The following GPR37L1 variants were observed in gnomAD, a reference collection of about 807,000 sequenced individuals.
The protein encoded by GPR37L1 is G protein-coupled receptor 37-like 1.
In GPR37L1, 18 loss-of-function variants were observed where a neutral mutation model predicts 18.0. The ratio of observed to expected loss-of-function variants is 1.00; its 90% CI spans 0.69 to 1.49. The LOEUF is 1.49. GPR37L1 is among the 40% of genes most tolerant of loss of function. The probability of loss-of-function intolerance (pLI) is 0.00; values close to 1 mark genes in which losing one functional copy is unlikely to be tolerated. For missense variants in GPR37L1, 558 were observed against 615.1 expected (o/e 0.91, Z 0.98); for synonymous variants, 256 against 273.9 (o/e 0.93, Z 0.65).
chr1:202,123,029 C>T lies in GPR37L1; in HGVS notation c.66C>T (p.Val22=). ...TTTTGGCTGTGGGGCTAAGCAGGGTCTCTGGGGGTGCCCCCCTGCACCTGG... is the reference window on the plus strand; with the variant it reads ...TTTTGGCTGTGGGGCTAAGCAGGGTTTCTGGGGGTGCCCCCCTGCACCTGG... ...AVILAVGLSR[V]SGGAPLHLGR... is the part of the protein sequence containing the mutation. Residue 22 remains valine, a synonymous_variant, in exon 1 of 2, where the codon GTC becomes GTT. Coordinates refer to ENST00000367282, the MANE Select transcript of GPR37L1 (RefSeq NM_004767.5). The T allele has an allele frequency of 6.2e-7, 1 of 1,613,582 alleles. No individual in the cohort carries two copies. Among genetic ancestry groups the T allele is most frequent in the Non-Finnish European group, 8.5e-7 (1 of 1,180,010 alleles).
At chr1:202,126,838 C>CGTGCGTGTGTGTGTGTGT (rs1553315417) in intron 1 of GPR37L1, among the ~76,000 whole-genome samples, 21 of 146,352 alleles carry the variant, frequency 1.4e-4, no homozygotes, top group African/African-American at 5.1e-4. Context: ...CAGAAACGTG[C>CGTGCGTGTGTGTGTGTGT]GTGTGTGTGT....
At chr1:202,126,825 G>A (rs1371420147) in intron 1 of GPR37L1, among the ~76,000 whole-genome samples, 1 of 144,540 alleles carries the variant, frequency 6.9e-6, no homozygotes, top group East Asian at 2.1e-4. Context: ...ACAGGGCCAG[G>A]AGCAGAAACG....
In GPR37L1 at chr1:202,132,070, G is replaced by T. The variant is rs890127445; in HGVS notation, c.*3514G>T. The T allele has an allele frequency of 6.6e-6, 1 of 152,182 alleles. No individual in the cohort carries two copies. The allele number at this position is 152,182 out of a possible 1,614,324, so 9.4% of individuals were successfully genotyped here. A position where few individuals can be genotyped will look rare whatever the true frequency, so the allele number is the denominator to read the frequency against. ...TAAGTCATATTAGCACCTGCTGCAC[G>T]CCGGCACTGTGGAAGGAGGATGCTT... On this transcript the variant is annotated 3_prime_UTR_variant, in exon 2 of 2. Coordinates refer to ENST00000367282, the MANE Select transcript of GPR37L1 (RefSeq NM_004767.5).
rs913987410 is a variant in GPR37L1 at position 202,133,506 on chromosome 1, G to A, written c.*4950G>A. On this transcript the variant is annotated 3_prime_UTR_variant, in exon 2 of 2. Transcript: ENST00000367282. ...CATTTTCCAAACAGAGGTTAAATAT[G>A]AGCTGAAAAGTGTAAAAAAGGAAGA... 1.3e-5 allele frequency: 2 copies of A among 152,202 alleles called. No individual in the cohort carries two copies. Among genetic ancestry groups the A allele is most frequent in the African/African-American group, 4.8e-5 (2 of 41,456 alleles). 9.4% of individuals were successfully genotyped at this position (152,202 alleles called of 1,614,324 possible).
chr1:202,128,652 T>C lies in GPR37L1; in HGVS notation c.*96T>C, dbSNP rs1213179121. 2.7e-6 allele frequency: 2 copies of C among 739,134 alleles called. No homozygotes were observed. Among genetic ancestry groups the C allele is most frequent in the Non-Finnish European group, 4.4e-6 (2 of 450,020 alleles). The allele number at this position is 739,134 out of a possible 1,614,324, so 45.8% of individuals were successfully genotyped here. On this transcript the variant is annotated 3_prime_UTR_variant, in exon 2 of 2. Coordinates refer to ENST00000367282, the MANE Select transcript of GPR37L1 (RefSeq NM_004767.5). ...GGTCTTGCTTTGTTGCCTGTCTTGC[T>C]GTCTAGGGATGGACTTGGTTCCTCT... is the stretch of plus-strand genomic sequence containing the variant.
rs766282284 is a variant in GPR37L1 at position 202,128,159 on chromosome 1, A to G, written c.1049A>G (p.His350Arg). 1 of 1,614,044 alleles carries G rather than the reference A, an allele frequency of 6.2e-7. No homozygotes were observed. The highest frequency in any genetic ancestry group is 1.7e-5 in the Admixed American group (1 of 60,018). Reference sequence around the variant, plus strand: ...AAGTCAGAGTGCAGGGCCAGCAAGCACGAGCAGTGTGAGAGCCAGCTCAAC... The same window carrying G: ...AAGTCAGAGTGCAGGGCCAGCAAGCGCGAGCAGTGTGAGAGCCAGCTCAAC... ...GRKSECRASKHEQCESQLNST... is the reference protein window; with the variant it reads ...GRKSECRASKREQCESQLNST... The change falls in exon 2 of 2, where the codon CAC becomes CGC. Residue 350 changes from histidine to arginine, a missense_variant. Physicochemically the swap from His to Arg is conservative, Grantham distance 29. Transcript: ENST00000367282.
intron 1 of GPR37L1, 127 bp from the exon 2 acceptor site, chr1:202,127,614 C>A: frequency 1.4e-6 from 1 of 693,844 alleles, no homozygotes; most frequent in Non-Finnish European, 2.5e-6. Context: ...CCGCACCCGG[C>A]CCATTATTAT....
At chr1:202,126,834 C>CATGCGTGTGT (rs1489202791) in intron 1 of GPR37L1, among the ~76,000 whole-genome samples, 2 of 64,184 alleles carry the variant, frequency 3.1e-5, no homozygotes, top group African/African-American at 1.1e-4. Context: ...GGAGCAGAAA[C>CATGCGTGTGT]GTGCGTGTGT....
At position 202,124,172 on chromosome 1, in the gene GPR37L1, A is replaced by T. The variant is rs371618275; in HGVS notation, c.630+579A>T. On this transcript the variant is annotated intron_variant, in intron 1 of 1. Transcript: ENST00000367282. ...GCTCCGTTCTTCCCTCCCTGCTGGGATTCTCATTGTTATCGTTGTCATTTC... is the reference window on the plus strand; with the variant it reads ...GCTCCGTTCTTCCCTCCCTGCTGGGTTTCTCATTGTTATCGTTGTCATTTC... Among the ~76,000 whole-genome samples, 5 of 152,100 alleles carry T rather than the reference A, an allele frequency of 3.3e-5. No individual in the cohort carries two copies. The East Asian group carries it at 9.6e-4, about 29-fold the overall frequency.
At chr1:202,124,015 G>T (rs538773507) in intron 1 of GPR37L1, among the ~76,000 whole-genome samples, 1 of 152,228 alleles carries the variant, frequency 6.6e-6, no homozygotes, top group South Asian at 2.1e-4. Flanking sequence ...TGCTCCCACA[G>T]CTTCCTTCGC....
At position 202,123,222 on chromosome 1, in the gene GPR37L1, C is replaced by A. The variant is rs1412792519; in HGVS notation, c.259C>A (p.Pro87Thr). The A allele has an allele frequency of 1.2e-6, 2 of 1,613,730 alleles. No homozygotes were observed. Among genetic ancestry groups the A allele is most frequent in the East Asian group, 4.5e-5 (2 of 44,856 alleles). ...AACCAAGCCCTTGGTGGCCACCAGC[C>A]CTAACCCCGGCAAGGATGGGGGCAC... is the stretch of plus-strand genomic sequence containing the variant. ...QPTKPLVATS[P>T]NPGKDGGTPD... Residue 87 changes from proline (P) to threonine (T), a missense_variant, in exon 1 of 2, where the codon CCT (proline) becomes ACT (threonine). By Grantham distance (38) the Pro-to-Thr change is conservative. Coordinates refer to ENST00000367282, the MANE Select transcript of GPR37L1 (RefSeq NM_004767.5).
chr1:202,123,308 G>T lies in GPR37L1; in HGVS notation c.345G>T (p.Gln115His). The change falls in exon 1 of 2, where the codon CAG becomes CAT. Residue 115 changes from glutamine to histidine, a missense_variant. Coordinates refer to ENST00000367282, the MANE Select transcript of GPR37L1 (RefSeq NM_004767.5). ...CAGGAGCACCAGGGCAGAGGCTACA[G>T]ATCCAGAACCCCCTGTATCCGGTGA... Reference protein sequence around the residue: ...NLTGAPGQRLQIQNPLYPVTE... With the variant: ...NLTGAPGQRLHIQNPLYPVTE... 6.2e-7 allele frequency: 1 copy of T among 1,614,200 alleles called. No individual in the cohort carries two copies. Among genetic ancestry groups the T allele is most frequent in the Non-Finnish European group, 8.5e-7 (1 of 1,180,042 alleles).
chr1:202,126,455 G>A (rs1427838766), intron 1 of GPR37L1, among the ~76,000 whole-genome samples: 1 of 152,028 alleles, frequency 6.6e-6, no homozygotes, highest in African/African-American at 2.4e-5. Context: ...CCTGAAGCCT[G>A]TGCCTCTGCA....
At chr1:202,123,827 G>C (rs961211385) in intron 1 of GPR37L1, among the ~76,000 whole-genome samples, 1 of 152,130 alleles carries the variant, frequency 6.6e-6, no homozygotes, top group African/African-American at 2.4e-5. Flanking sequence ...GGGCCCCTGG[G>C]TTCCAGCCCC....
Position 202,130,117 on chromosome 1 carries a change from C to T in GPR37L1, c.*1561C>T. The T allele has an allele frequency of 6.6e-6, 1 of 152,392 alleles. No individual in the cohort carries two copies. Among genetic ancestry groups the T allele is most frequent in the Non-Finnish European group, 1.5e-5 (1 of 68,200 alleles). 9.4% of individuals were successfully genotyped at this position (152,392 alleles called of 1,614,324 possible). On this transcript the variant is annotated 3_prime_UTR_variant, in exon 2 of 2. Coordinates refer to ENST00000367282, the MANE Select transcript of GPR37L1 (RefSeq NM_004767.5). ...CTTCCCCCAGCCCCACCTCTGGTCC[C>T]TTCCAGAGGGCACCCTTAGCCTTGT...
chr1:202,126,842 T>C (rs868234655), intron 1 of GPR37L1, among the ~76,000 whole-genome samples: 2 of 135,418 alleles, frequency 1.5e-5, no homozygotes, highest in East Asian at 2.0e-4. Flanking sequence ...AACGTGCGTG[T>C]GTGTGTGTGT....
At position 202,127,954 on chromosome 1, in the gene GPR37L1, AC is replaced by A. The variant is rs1558302319; in HGVS notation, c.847del (p.Leu283TrpfsTer6). The A allele has an allele frequency of 1.2e-6, 2 of 1,613,910 alleles. No individual in the cohort carries two copies. The highest frequency in any genetic ancestry group is 2.2e-5 in the South Asian group (2 of 91,082). ...ACAGGAGCCTGCCCCCACCATGGGC[AC>A]CCTGGACTCATGCATCATGAAACCC... Reference protein sequence around the residue: ...LAQEPAPTMGTLDSCIMKPSA... With the variant: ...LAQEPAPTMGXLDSCIMKPSA... On this transcript the variant is annotated frameshift_variant, in exon 2 of 2. Transcript: ENST00000367282. LOFTEE classifies it low-confidence loss of function (END_TRUNC).
Position 202,127,976 on chromosome 1 carries a change from A to C in GPR37L1, c.866A>C (p.Lys289Thr), listed in dbSNP as rs1238421521. Residue 289 changes from lysine (K) to threonine (T), a missense_variant, in exon 2 of 2, where the codon AAA becomes ACA. By Grantham distance (78) the Lys-to-Thr change is moderately conservative. Coordinates refer to ENST00000367282, the MANE Select transcript of GPR37L1 (RefSeq NM_004767.5). ...TMGTLDSCIM[K>T]PSASLPESLY... is the part of the protein sequence containing the mutation. ...GGCACCCTGGACTCATGCATCATGA[A>C]ACCCTCAGCCAGCCTGCCCGAGTCC... 2 of 1,613,952 alleles carry C rather than the reference A, an allele frequency of 1.2e-6. No individual in the cohort carries two copies. The highest frequency in any genetic ancestry group is 1.7e-6 in the Non-Finnish European group (2 of 1,179,988).
intron 1 of GPR37L1, 83 bp from the exon 2 acceptor site, chr1:202,127,654 TCTAA>T: frequency 1.1e-6 from 1 of 909,874 alleles, no homozygotes; most frequent in East Asian, 2.4e-5. Flanking sequence ...CAATTCATGG[TCTAA>T]CTGAGCCAGA....
Sources: gnomAD v4.1 joint callset for allele counts (sites outside exome capture counted in the v4.1 genomes callset) on GRCh38, gnomAD v4.1.1 for gene constraint, MANE v1.5 for transcripts, NCBI Gene and HGNC (gene_info 2026-07-23, HGNC 2026-07-21) for gene names.